The following FYB2 variants were observed in gnomAD, a reference collection of about 807,000 sequenced individuals.
FYB2 encodes the protein FYN binding protein 2, also known as FYN-binding protein 2.
FYB2 carries 103 observed loss-of-function variants against 94.1 expected under a neutral mutation model. The ratio of observed to expected loss-of-function variants is 1.09; its 90% CI spans 0.93 to 1.29. FYB2 has a LOEUF of 1.29. Among genes scored for constraint, FYB2 ranks in the 50% most tolerant of loss-of-function variants. The pLI is 0.00. For missense variants in FYB2, 896 were observed against 841.5 expected (o/e 1.06, Z -0.80); for synonymous variants, 293 against 287.9 (o/e 1.02, Z -0.18).
chr1:56,804,750 C>A (rs72668379), intron 1 of FYB2, among the ~76,000 whole-genome samples: 9 of 100,460 alleles, frequency 9.0e-5, no homozygotes, highest in Non-Finnish European at 2.2e-4. Context: ...TAAATAAATA[C>A]ATAAATAAAT....
chr1:56,806,590 G>A (rs1418778905), intron 1 of FYB2, among the ~76,000 whole-genome samples: 1 of 152,060 alleles, frequency 6.6e-6, no homozygotes, highest in East Asian at 1.9e-4. Context: ...AATATACTGG[G>A]AGATCATGAA....
intron 5 of FYB2, among the ~76,000 whole-genome samples, chr1:56,760,109 C>T (rs1042585538): frequency 2.0e-5 from 3 of 149,556 alleles, no homozygotes; most frequent in Admixed American, 1.3e-4. Context: ...ATTTAACATA[C>T]CTAGCAGAAC....
intron 15 of FYB2, among the ~76,000 whole-genome samples, chr1:56,731,707 A>C (rs1344739572): frequency 5.9e-5 from 9 of 152,172 alleles, no homozygotes; most frequent in Admixed American, 5.9e-4. Flanking sequence ...AAATCAATAA[A>C]TGTGAAACAT....
intron 1 of FYB2, among the ~76,000 whole-genome samples, chr1:56,811,776 CAAACA>C (rs1557673166): frequency 2.6e-5 from 4 of 152,214 alleles, no homozygotes; most frequent in African/African-American, 9.6e-5. Flanking sequence ...AACAAACAAA[CAAACA>C]AAAACAGCAG....
At position 56,726,513 on chromosome 1, in the gene FYB2, C is replaced by T; in HGVS notation, c.1864G>A (p.Ala622Thr). The T allele has an allele frequency of 3.1e-6, 5 of 1,611,916 alleles. No individual in the cohort carries two copies. Among genetic ancestry groups the T allele is most frequent in the Non-Finnish European group, 4.2e-6 (5 of 1,178,810 alleles). ...TGTTCCCACCTTTCTGATTCTTCAG[C>T]ACCGTTTTTCTCTTTTTTTTCCTTT... ...TPKEKKEKNG[A>T]EESESFSPRN... Residue 622 changes from alanine (A) to threonine (T), a missense_variant, in exon 16 of 20, where the codon GCT (alanine) becomes ACT (threonine). By Grantham distance (58) the Ala-to-Thr change is moderately conservative. Coordinates refer to ENST00000343433, the MANE Select transcript of FYB2 (RefSeq NM_001004303.5).
chr1:56,826,794 T>C, the FYB2 span: 1 of 152,300 alleles, frequency 6.6e-6, no homozygotes, highest in Non-Finnish European at 1.5e-5. Flanking sequence ...TCTGAGGATC[T>C]TCAAAGGCAG....
At chr1:56,742,749 C>G (rs2404996) in intron 11 of FYB2, among the ~76,000 whole-genome samples, 21,752 of 151,964 alleles carry the variant, frequency 0.14, 1,718 homozygotes, top group East Asian at 0.33. Flanking sequence ...TTTTTAGGTT[C>G]AAAACTCAAC....
At chr1:56,824,649 GGCTCCT>G (rs1211634015), upstream of FYB2, 1 of 152,274 alleles carries the variant, frequency 6.6e-6, no homozygotes, top group East Asian at 1.9e-4. Context: ...GCAAAGGCAT[GGCTCCT>G]GCTCTCAGGA....
At chr1:56,736,364 A>T (rs2100573888) in intron 15 of FYB2, among the ~76,000 whole-genome samples, 1 of 151,702 alleles carries the variant, frequency 6.6e-6, no homozygotes, top group Non-Finnish European at 1.5e-5. Context: ...TAACCAATTG[A>T]TTAAGAGGGA....
In FYB2 at chr1:56,755,526, T is replaced by C. The variant is rs184519971; in HGVS notation, c.1130+370A>G. ...CATGGTGCATTTCAGAAATTGTCAGTTCTTTGGAATTCATGTTATTATTAT... is the reference window on the plus strand; with the variant it reads ...CATGGTGCATTTCAGAAATTGTCAGCTCTTTGGAATTCATGTTATTATTAT... On this transcript the variant is annotated intron_variant, in intron 7 of 19. Transcript: ENST00000343433. Among the ~76,000 whole-genome samples, 10 of 152,158 alleles carry C rather than the reference T, an allele frequency of 6.6e-5. No homozygotes were observed. In the East Asian group the frequency reaches 1.9e-3, roughly 30 times the overall value.
chr1:56,764,676 T>A (rs1645579904), intron 5 of FYB2, among the ~76,000 whole-genome samples: 1 of 152,196 alleles, frequency 6.6e-6, no homozygotes, highest in South Asian at 2.1e-4. Flanking sequence ...TGCTTTAAAG[T>A]CTTAGTCAGA....
rs1646301034 is a variant in FYB2 at position 56,792,697 on chromosome 1, T to C, written c.116A>G (p.Asp39Gly). 1.2e-6 allele frequency: 2 copies of C among 1,613,988 alleles called. No homozygotes were observed. The highest frequency in any genetic ancestry group is 2.2e-5 in the East Asian group (1 of 44,866). Residue 39 changes from aspartate (D) to glycine (G), a missense_variant, in exon 2 of 20, where the codon GAC (aspartate) becomes GGC (glycine). Coordinates refer to ENST00000343433, the MANE Select transcript of FYB2 (RefSeq NM_001004303.5). ...KFPAGVSPKGDIGGTQSTQIL... is the reference protein window; with the variant it reads ...KFPAGVSPKGGIGGTQSTQIL... ...TTGAGTTGACTGTGTGCCTCCAATG[T>C]CACCCTTTGGAGAAACACCTGCTGG... is the stretch of plus-strand genomic sequence containing the variant.
intron 14 of FYB2, 42 bp from the exon 15 acceptor site, chr1:56,737,189 G>T (rs1426103675): frequency 1.5e-5 from 22 of 1,465,386 alleles, no homozygotes; most frequent in Non-Finnish European, 2.1e-5. Flanking sequence ...TATTAAGCAT[G>T]GTTTATATAA....
At chr1:56,819,466 T>A, upstream of FYB2, 2 of 901,402 alleles carry the variant, frequency 2.2e-6, no homozygotes, top group Non-Finnish European at 3.4e-6. Context: ...CTCCCTTGCC[T>A]GGGGCTGGGC....
intron 6 of FYB2, among the ~76,000 whole-genome samples, chr1:56,756,422 G>GCC (rs1645332798): frequency 6.6e-6 from 1 of 152,018 alleles, no homozygotes; most frequent in Non-Finnish European, 1.5e-5. Flanking sequence ...TCACAATGTA[G>GCC]CCCCTCATTT....
At chr1:56,737,429 A>G (rs1644853062) in intron 14 of FYB2, 2 of 256,936 alleles carry the variant, frequency 7.8e-6, no homozygotes, top group African/African-American at 4.5e-5. Context: ...TTCCAGAAAA[A>G]TATGAGTTGC....
rs115185950 is a variant in FYB2, at chr1:56,816,592, G to A, written c.9+2690C>T. 5.2e-3 allele frequency among the ~76,000 whole-genome samples: 799 copies of A among 152,260 alleles called. 4 individuals carry two copies. The highest frequency in any genetic ancestry group is 0.018 in the African/African-American group (759 of 41,546). ...AAGATGTCAGAGAATGTGAGGCCAA[G>A]TTTTAAAATCCCCCATATAACACAT... On this transcript the variant is annotated intron_variant, in intron 1 of 19. Coordinates refer to ENST00000343433, the MANE Select transcript of FYB2 (RefSeq NM_001004303.5).
At chr1:56,810,571 G>A (rs901900605) in intron 1 of FYB2, among the ~76,000 whole-genome samples, 2 of 152,166 alleles carry the variant, frequency 1.3e-5, no homozygotes, top group African/African-American at 2.4e-5. Flanking sequence ...AGATATCAAA[G>A]AGAATTTTAG....
In FYB2 at chr1:56,742,197, T is replaced by A. The variant is rs566948413; in HGVS notation, c.1568A>T (p.Asp523Val). 6.2e-7 allele frequency: 1 copy of A among 1,604,612 alleles called. No homozygotes were observed. Among genetic ancestry groups the A allele is most frequent in the African/African-American group, 1.3e-5 (1 of 74,698 alleles). ...SSEENRELYE[D>V]VYKTKNNYPK... Reference sequence around the variant, plus strand: ...GTAGTTGTTCTTTGTTTTGTAGACATCTTCATACAGTTCTCTATTTTCTTC... The same window carrying A: ...GTAGTTGTTCTTTGTTTTGTAGACAACTTCATACAGTTCTCTATTTTCTTC... The change falls in exon 12 of 20, where the codon GAT (aspartate) becomes GTT (valine). Residue 523 changes from aspartate to valine, a missense_variant. Coordinates refer to ENST00000343433, the MANE Select transcript of FYB2 (RefSeq NM_001004303.5).
Sources: allele counts gnomAD v4.1 joint callset (sites outside exome capture counted in the v4.1 genomes callset), GRCh38; gene constraint gnomAD v4.1.1; transcripts MANE v1.5; gene names NCBI Gene and HGNC (gene_info 2026-07-23, HGNC 2026-07-21).